ANKRD13A: variants seen among roughly 807,000 people sequenced by gnomAD.
The protein encoded by ANKRD13A is ankyrin repeat domain 13A.
In ANKRD13A, 48 loss-of-function variants were observed where a neutral mutation model predicts 81.3. The ratio of observed to expected loss-of-function variants is 0.59; its 90% CI spans 0.47 to 0.75. The LOEUF is 0.75. Ranked by LOEUF, ANKRD13A falls within the 30% of genes least tolerant of loss-of-function variation. The pLI, the probability that ANKRD13A is intolerant of heterozygous loss-of-function variation, is 0.00. For synonymous variants in ANKRD13A, 230 were observed against 270.1 expected, an observed-to-expected ratio of 0.85 and a Z score of 1.45; for missense variants, 612 against 734.0, an observed-to-expected ratio of 0.83 and a Z score of 1.92.
Position 110,018,844 on chromosome 12 carries a change from G to A in ANKRD13A, c.545-295G>A, listed in dbSNP as rs571942531. Among the ~76,000 whole-genome samples, 2 of 152,224 alleles carry A rather than the reference G, an allele frequency of 1.3e-5. No homozygotes were observed. Among genetic ancestry groups the A allele is most frequent in the African/African-American group, 4.8e-5 (2 of 41,504 alleles). On this transcript the variant is annotated intron_variant, in intron 5 of 14. Coordinates refer to ENST00000261739, the MANE Select transcript of ANKRD13A (RefSeq NM_033121.2). The surrounding 1 kb of genome is among the most constrained non-coding windows in gnomAD (Gnocchi z 4.4). ...TGCATACATAATTTCTGTGAATTCTGTAATAATATATTTTATAAAGGACAT... is the reference window on the plus strand; with the variant it reads ...TGCATACATAATTTCTGTGAATTCTATAATAATATATTTTATAAAGGACAT...
At chr12:110,034,531 G>A (rs942789757) in intron 13 of ANKRD13A, among the ~76,000 whole-genome samples, 2 of 152,100 alleles carry the variant, frequency 1.3e-5, no homozygotes, top group Admixed American at 6.6e-5. Context: ...CAAACTCCTG[G>A]GTTCAAGAGA....
At position 110,035,460 on chromosome 12, in the gene ANKRD13A, T is replaced by A. The variant is rs201033734; in HGVS notation, c.1510-801T>A. ...TATCTACCAAATTTTTTTTTTTTTT[T>A]AATTTTTGAGGCAGAGTCTCACTCT... On this transcript the variant is annotated intron_variant, in intron 13 of 14. Transcript: ENST00000261739. 3.4e-4 allele frequency among the ~76,000 whole-genome samples: 51 copies of A among 149,560 alleles called. 1 individual carries two copies. In the South Asian group the frequency reaches 5.5e-3, roughly 16 times the overall value.
chr12:110,008,133 T>C (rs1181527561), intron 1 of ANKRD13A, among the ~76,000 whole-genome samples: 1 of 152,250 alleles, frequency 6.6e-6, no homozygotes, highest in East Asian at 1.9e-4. Flanking sequence ...TTGTGGGTTT[T>C]TTAGAGATGC....
In ANKRD13A at chr12:110,019,298, G is replaced by T; in HGVS notation, c.704G>T (p.Ser235Ile). 1 of 1,609,192 alleles carries T rather than the reference G, an allele frequency of 6.2e-7. No individual in the cohort carries two copies. Among genetic ancestry groups the T allele is most frequent in the South Asian group, 1.1e-5 (1 of 90,256 alleles). Residue 235 changes from serine (S) to isoleucine (I), a missense_variant, in exon 6 of 15, where the codon AGC becomes ATC. By Grantham distance (142) the Ser-to-Ile change is moderately radical. Transcript: ENST00000261739. ...RRLTSPVINT[S>I]LDTKNIAFER... Reference sequence around the variant, plus strand: ...CTCACAAGCCCTGTCATTAACACCAGCCTCGATACTAAAAATATTGCTTTT... The same window carrying T: ...CTCACAAGCCCTGTCATTAACACCATCCTCGATACTAAAAATATTGCTTTT...
rs1005852400 is a variant in ANKRD13A, at chr12:110,037,677, C to G, written c.*123C>G. The G allele has an allele frequency of 1.5e-5, 15 of 992,012 alleles. No individual in the cohort carries two copies. Among genetic ancestry groups the G allele is most frequent in the Non-Finnish European group, 2.2e-5 (15 of 691,774 alleles). 61.5% of individuals were successfully genotyped at this position (992,012 alleles called of 1,614,324 possible). A position where few individuals can be genotyped will look rare whatever the true frequency, so the allele number is the denominator to read the frequency against. ...GTGCATGCAGCAGGCAACAACTGCCCCTTCTTTATGCAGAGGTGCAGAACC... is the reference window on the plus strand; with the variant it reads ...GTGCATGCAGCAGGCAACAACTGCCGCTTCTTTATGCAGAGGTGCAGAACC... On this transcript the variant is annotated 3_prime_UTR_variant, in exon 15 of 15. Transcript: ENST00000261739.
Position 110,030,784 on chromosome 12 carries a change from T to C in ANKRD13A, c.1348+26T>C, listed in dbSNP as rs771010011. The C allele has an allele frequency of 5.4e-6, 8 of 1,486,012 alleles. 1 individual carries two copies. In the South Asian group the frequency reaches 1.0e-4, roughly 19 times the overall value. The allele number at this position is 1,486,012 out of a possible 1,614,324, so 92.1% of individuals were successfully genotyped here. A position where few individuals can be genotyped will look rare whatever the true frequency, so the allele number is the denominator to read the frequency against. ...GTAAAAAAATAAATAAATACAAAGT[T>C]TAGTTTTGTTATTTAAAAAAAAATT... On this transcript the variant is annotated intron_variant, in intron 12 of 14. Transcript: ENST00000261739.
At chr12:110,016,576 T>C (rs2137118696) in intron 4 of ANKRD13A, 143 bp downstream of exon 4, 1 of 736,272 alleles carries the variant, frequency 1.4e-6, no homozygotes, top group Non-Finnish European at 2.1e-6. Context: ...AAATAATCAC[T>C]GATAGTCCCA....
At chr12:110,035,593 G>A (rs1465552552) in intron 13 of ANKRD13A, among the ~76,000 whole-genome samples, 1 of 152,008 alleles carries the variant, frequency 6.6e-6, no homozygotes, top group Non-Finnish European at 1.5e-5. Flanking sequence ...GGGATTACAG[G>A]TGCGCACCAC....
At chr12:110,015,828 T>C (rs984177695) in intron 3 of ANKRD13A, among the ~76,000 whole-genome samples, 4 of 152,074 alleles carry the variant, frequency 2.6e-5, no homozygotes, top group African/African-American at 9.7e-5. Flanking sequence ...ATTACAGGCA[T>C]GAGTGAGCCA....
At chr12:110,005,308 A>C (rs76358958) in intron 1 of ANKRD13A, among the ~76,000 whole-genome samples, 7,394 of 152,220 alleles carry the variant, frequency 0.049, 261 homozygotes, top group South Asian at 0.15. Context: ...CGCTTGGCTA[A>C]TTTTTAAAGA....
intron 7 of ANKRD13A, 26 bp from the exon 8 acceptor site, chr12:110,025,716 T>C: frequency 1.3e-6 from 2 of 1,570,978 alleles, no homozygotes; most frequent in Non-Finnish European, 1.7e-6. Context: ...CCTGTGTCAC[T>C]GTTTTCTTTC....
At chr12:110,019,622 A>G (rs1010517156) in intron 6 of ANKRD13A, among the ~76,000 whole-genome samples, 11 of 152,108 alleles carry the variant, frequency 7.2e-5, no homozygotes, top group Admixed American at 6.5e-5. Context: ...TTTTACTTGA[A>G]TCCTATTTTT....
intron 3 of ANKRD13A, among the ~76,000 whole-genome samples, chr12:110,016,141 G>C (rs1890790248): frequency 6.6e-6 from 1 of 150,972 alleles, no homozygotes; most frequent in Non-Finnish European, 1.5e-5. Context: ...TGGAGACAGG[G>C]TTTTGCCATG....
In ANKRD13A at chr12:109,999,580, C is replaced by T; in HGVS notation, c.-109C>T. 1 of 902,632 alleles carries T rather than the reference C, an allele frequency of 1.1e-6. No individual in the cohort carries two copies. Among genetic ancestry groups the T allele is most frequent in the Non-Finnish European group, 1.6e-6 (1 of 643,542 alleles). The allele number at this position is 902,632 out of a possible 1,614,324, so 55.9% of individuals were successfully genotyped here. ...TCAGCCGGCCGGCAGCGTAACACGC[C>T]CTACGCTCGCTTGCTCGCCGGCCTC... On this transcript the variant is annotated 5_prime_UTR_variant, in exon 1 of 15. Transcript: ENST00000261739. The surrounding 1 kb of genome is among the most constrained non-coding windows in gnomAD (Gnocchi z 4.3).
intron 8 of ANKRD13A, 52 bp from the exon 9 acceptor site, chr12:110,027,653 T>A: frequency 2.6e-6 from 4 of 1,555,840 alleles, no homozygotes; most frequent in Non-Finnish European, 3.5e-6. Context: ...CTTTTTTTTA[T>A]AGCCACAAGT....
At chr12:110,015,398 C>T (rs184217459) in intron 3 of ANKRD13A, among the ~76,000 whole-genome samples, 263 of 152,330 alleles carry the variant, frequency 1.7e-3, no homozygotes, top group Non-Finnish European at 3.1e-3. Context: ...TGCCCTTTGC[C>T]TAGAATAGGT....
At chr12:110,025,672 G>A (rs1450704864) in intron 7 of ANKRD13A, 70 bp from the exon 8 acceptor site, 1 of 1,167,660 alleles carries the variant, frequency 8.6e-7, no homozygotes, top group Non-Finnish European at 1.2e-6. Context: ...CAGCATTCTT[G>A]CTTTTGCTGT....
In ANKRD13A at chr12:110,039,063, G is replaced by A. The variant is rs1292029839; in HGVS notation, c.*1509G>A. ...TGCTTTTAATTCCATTTCACAATCT[G>A]TTTTGTTTTTTTTTTTTGTCATTGT... On this transcript the variant is annotated 3_prime_UTR_variant, in exon 15 of 15. Coordinates refer to ENST00000261739, the MANE Select transcript of ANKRD13A (RefSeq NM_033121.2). 2 of 144,854 alleles carry A rather than the reference G, an allele frequency of 1.4e-5. No homozygotes were observed. The highest frequency in any genetic ancestry group is 3.0e-5 in the Non-Finnish European group (2 of 67,044). 9.0% of individuals were successfully genotyped at this position (144,854 alleles called of 1,614,324 possible). A position where few individuals can be genotyped will look rare whatever the true frequency, so the allele number is the denominator to read the frequency against.
At chr12:110,019,017 G>C in intron 5 of ANKRD13A, 122 bp from the exon 6 acceptor site, 1 of 1,069,896 alleles carries the variant, frequency 9.3e-7, no homozygotes, top group Non-Finnish European at 1.3e-6. Flanking sequence ...TACACTGTAG[G>C]TTTTACCAGA....
Sources: allele counts gnomAD v4.1 joint callset (sites outside exome capture counted in the v4.1 genomes callset), GRCh38; gene constraint gnomAD v4.1.1; non-coding constraint Gnocchi (gnomAD v3.1); transcripts MANE v1.5; gene names NCBI Gene and HGNC (gene_info 2026-07-23, HGNC 2026-07-21).